NEK7: variants seen among roughly 807,000 people sequenced by gnomAD.
NEK7 encodes the protein serine/threonine-protein kinase Nek7.
In NEK7, 18 loss-of-function variants were observed where a neutral mutation model predicts 44.6. That is an observed-to-expected ratio of 0.40 (90% CI 0.28 to 0.60). The LOEUF is 0.60. Among genes scored for constraint, NEK7 ranks in the 20% least tolerant of loss-of-function variants. The probability of loss-of-function intolerance (pLI) is 0.38; values close to 1 mark genes in which losing one functional copy is unlikely to be tolerated. For missense variants in NEK7, 256 were observed against 366.5 expected (o/e 0.70, Z 2.46); for synonymous variants, 130 against 121.1 (o/e 1.07, Z -0.48).
Position 198,233,281 on chromosome 1 carries a change from AAAATG to A in NEK7, c.57+649_57+653del, listed in dbSNP as rs147181386. Among the ~76,000 whole-genome samples, 1,198 of 152,312 alleles carry A rather than the reference AAAATG, an allele frequency of 7.9e-3. 23 individuals carry two copies. The highest frequency in any genetic ancestry group is 0.027 in the African/African-American group (1,111 of 41,566). The stretch of plus-strand genomic sequence containing the variant: ...GCTTGTTTCTTGTATTTAATAACAT[AAAATG>A]AAATAAAAAAATCTTTTAGTAAAAA... On this transcript the variant is annotated intron_variant, in intron 2 of 9. Transcript: ENST00000367385.
chr1:198,271,344 G>T (rs1653838291), intron 5 of NEK7, among the ~76,000 whole-genome samples: 1 of 152,032 alleles, frequency 6.6e-6, no homozygotes, highest in Admixed American at 6.6e-5. Context: ...AACAGGACTT[G>T]AGAATTTGGG....
At chr1:198,249,077 T>C (rs1666914135) in intron 2 of NEK7, among the ~76,000 whole-genome samples, 1 of 132,616 alleles carries the variant, frequency 7.5e-6, no homozygotes, top group African/African-American at 2.9e-5. Flanking sequence ...AGTGTGATGT[T>C]CCCCTTCCTG....
intron 2 of NEK7, among the ~76,000 whole-genome samples, chr1:198,244,125 G>T (rs1324722701): frequency 6.6e-6 from 1 of 152,112 alleles, no homozygotes; most frequent in African/African-American, 2.4e-5. Context: ...AATATAAAAT[G>T]TAAGGTAGTT....
chr1:198,260,042 A>G (rs1163696605), intron 3 of NEK7, among the ~76,000 whole-genome samples: 1 of 152,166 alleles, frequency 6.6e-6, no homozygotes, highest in Admixed American at 6.6e-5. Flanking sequence ...TCTTATTTGT[A>G]TCTGTAATAA....
At chr1:198,255,438 T>C (rs1285434487) in intron 3 of NEK7, among the ~76,000 whole-genome samples, 1 of 151,898 alleles carries the variant, frequency 6.6e-6, no homozygotes. Context: ...CTCAATTCTG[T>C]CTCTAGTGAT....
At chr1:198,190,833 T>A (rs1010078648) in intron 1 of NEK7, among the ~76,000 whole-genome samples, 21 of 152,096 alleles carry the variant, frequency 1.4e-4, no homozygotes, top group Non-Finnish European at 2.9e-4. Flanking sequence ...TTTGTTATAA[T>A]CTTCTTAGAA....
intron 9 of NEK7, among the ~76,000 whole-genome samples, chr1:198,313,090 C>T (rs1214881829): frequency 6.6e-6 from 1 of 152,038 alleles, no homozygotes; most frequent in Non-Finnish European, 1.5e-5. Flanking sequence ...CTTTGTAGGT[C>T]ACTCAGGAGT....
At chr1:198,221,438 C>G (rs1666075737) in intron 1 of NEK7, among the ~76,000 whole-genome samples, 1 of 150,902 alleles carries the variant, frequency 6.6e-6, no homozygotes, top group Non-Finnish European at 1.5e-5. Context: ...AATTTTTTTT[C>G]TGCCTAAAGA....
intron 1 of NEK7, among the ~76,000 whole-genome samples, chr1:198,157,845 A>C (rs1571487365): frequency 6.6e-6 from 1 of 152,178 alleles, no homozygotes; most frequent in African/African-American, 2.4e-5. Flanking sequence ...GAGACTCGGG[A>C]TTACAAAATG....
At chr1:198,279,196 C>A (rs1305955699) in intron 7 of NEK7, 135 bp downstream of exon 7, 2 of 539,978 alleles carry the variant, frequency 3.7e-6, no homozygotes, top group Non-Finnish European at 6.6e-6. Context: ...TGAACAGATG[C>A]CTGCAACTCT....
At chr1:198,172,236 C>T (rs1199751812) in intron 1 of NEK7, among the ~76,000 whole-genome samples, 1 of 152,102 alleles carries the variant, frequency 6.6e-6, no homozygotes, top group Non-Finnish European at 1.5e-5. Context: ...ACTCTTTTCT[C>T]CCTCCCCTTC....
intron 9 of NEK7, among the ~76,000 whole-genome samples, chr1:198,304,889 T>G (rs1344177654): frequency 6.6e-6 from 1 of 152,194 alleles, no homozygotes; most frequent in Admixed American, 6.5e-5. Context: ...TTGTTTCATT[T>G]AAGTGTTTCT....
intron 2 of NEK7, among the ~76,000 whole-genome samples, chr1:198,242,401 C>CTTTTTTTTTT (rs111872515): frequency 7.5e-6 from 1 of 134,200 alleles, no homozygotes; most frequent in Non-Finnish European, 1.6e-5. Flanking sequence ...CTTTCTTTTT[C>CTTTTTTTTTT]TTTTTTTTTT....
chr1:198,311,382 A>G (rs1655176877), intron 9 of NEK7, among the ~76,000 whole-genome samples: 1 of 152,160 alleles, frequency 6.6e-6, no homozygotes, highest in African/African-American at 2.4e-5. Flanking sequence ...GTCATCTGCA[A>G]ACAGGGACAA....
At chr1:198,309,314 T>C (rs934466468) in intron 9 of NEK7, among the ~76,000 whole-genome samples, 8 of 151,684 alleles carry the variant, frequency 5.3e-5, no homozygotes, top group African/African-American at 1.9e-4. Context: ...TGCTTTATTA[T>C]GGTTAGAAAA....
intron 9 of NEK7, among the ~76,000 whole-genome samples, chr1:198,305,872 A>G (rs1655009599): frequency 6.6e-6 from 1 of 152,176 alleles, no homozygotes; most frequent in South Asian, 2.1e-4. Context: ...TTGAAAGTCT[A>G]ATAACCTAAC....
intron 1 of NEK7, among the ~76,000 whole-genome samples, chr1:198,174,253 T>TC (rs1451903544): frequency 2.0e-5 from 3 of 152,202 alleles, no homozygotes; most frequent in Non-Finnish European, 4.4e-5. Flanking sequence ...ATCTTGTTAT[T>TC]AAGTACAAGG....
chr1:198,209,582 A>C (rs1665705239), intron 1 of NEK7, among the ~76,000 whole-genome samples: 1 of 152,126 alleles, frequency 6.6e-6, no homozygotes, highest in African/African-American at 2.4e-5. Context: ...TTTGAGTCTT[A>C]GTTTTTCATT....
chr1:198,185,900 TCA>T (rs770506546), intron 1 of NEK7, among the ~76,000 whole-genome samples: 1 of 152,228 alleles, frequency 6.6e-6, no homozygotes, highest in Non-Finnish European at 1.5e-5. Flanking sequence ...CATTTTTATT[TCA>T]GTTTCATCAG....
Sources: allele counts gnomAD v4.1 joint callset (sites outside exome capture counted in the v4.1 genomes callset), GRCh38; gene constraint gnomAD v4.1.1; transcripts MANE v1.5; gene names NCBI Gene and HGNC (gene_info 2026-07-23, HGNC 2026-07-21).